The following AGBL3 variants were observed in gnomAD, a reference collection of about 807,000 sequenced individuals.
AGBL3 encodes cytosolic carboxypeptidase 3.
Under a neutral mutation model 94.5 loss-of-function variants are expected in AGBL3, and 68 were observed. The ratio of observed to expected loss-of-function variants is 0.72; its 90% CI spans 0.59 to 0.88. The LOEUF (loss-of-function observed/expected upper bound fraction) is 0.88. Among genes scored for constraint, AGBL3 ranks in the 40% least tolerant of loss-of-function variants. The probability of loss-of-function intolerance (pLI) is 0.00; values close to 1 mark genes in which losing one functional copy is unlikely to be tolerated. For missense variants in AGBL3, 934 were observed against 1,103.8 expected, an observed-to-expected ratio of 0.85 and a Z score of 2.18; for synonymous variants, 354 against 370.7, an observed-to-expected ratio of 0.95 and a Z score of 0.52.
At chr7:135,001,493 T>A (rs1811709821) in intron 4 of AGBL3, among the ~76,000 whole-genome samples, 1 of 152,186 alleles carries the variant, frequency 6.6e-6, no homozygotes, top group Non-Finnish European at 1.5e-5. Context: ...TGTTAATTCC[T>A]CCAGACTAAG....
At chr7:135,100,986 A>G (rs970857876) in intron 15 of AGBL3, among the ~76,000 whole-genome samples, 1 of 152,226 alleles carries the variant, frequency 6.6e-6, no homozygotes, top group South Asian at 2.1e-4. Context: ...GCATACCCTG[A>G]GGTGTAATAT....
chr7:135,116,769 G>C (rs898955289), intron 16 of AGBL3, among the ~76,000 whole-genome samples: 4 of 152,166 alleles, frequency 2.6e-5, no homozygotes, highest in African/African-American at 9.7e-5. Flanking sequence ...TGAGGGCACT[G>C]TTTATCTGTG....
chr7:135,096,588 G>C lies in AGBL3; in HGVS notation c.2110+14798G>C, dbSNP rs868469071. ...AGATAGATAGATAGATAGATACATA[G>C]ATAGATAGATAGATAGATAGATAGA... On this transcript the variant is annotated intron_variant, in intron 15 of 16. Transcript: ENST00000436302. 3.3e-3 allele frequency among the ~76,000 whole-genome samples: 396 copies of C among 120,288 alleles called. 9 individuals carry two copies. The highest frequency in any genetic ancestry group is 0.015 in the African/African-American group (386 of 25,374). 78.9% of individuals were successfully genotyped at this position (120,288 alleles called of 152,430 possible). A position where few individuals can be genotyped will look rare whatever the true frequency, so the allele number is the denominator to read the frequency against.
intron 15 of AGBL3, among the ~76,000 whole-genome samples, chr7:135,091,012 A>G (rs143623421): frequency 2.6e-5 from 4 of 152,218 alleles, no homozygotes; most frequent in African/African-American, 9.6e-5. Flanking sequence ...GTGAGGAAGG[A>G]CTGTGCCTGT....
intron 16 of AGBL3, among the ~76,000 whole-genome samples, chr7:135,121,198 T>G (rs1827083620): frequency 6.6e-6 from 1 of 151,884 alleles, no homozygotes; most frequent in African/African-American, 2.4e-5. Flanking sequence ...AAAACAAAAC[T>G]CCGTCTCAAA....
chr7:135,070,655 G>T (rs1819812881), intron 12 of AGBL3, among the ~76,000 whole-genome samples: 1 of 152,014 alleles, frequency 6.6e-6, no homozygotes, highest in Admixed American at 6.6e-5. Context: ...TGCAGAAAAG[G>T]CCTTTGACAA....
At chr7:135,063,887 T>G (rs932311488) in intron 12 of AGBL3, among the ~76,000 whole-genome samples, 8 of 152,196 alleles carry the variant, frequency 5.3e-5, no homozygotes, top group African/African-American at 1.9e-4. Flanking sequence ...AATCTGAAGG[T>G]CAGCAGTGGC....
chr7:135,121,264 CAGAA>C (rs533304504), intron 16 of AGBL3, among the ~76,000 whole-genome samples: 44 of 152,116 alleles, frequency 2.9e-4, no homozygotes, highest in African/African-American at 1.0e-3. Context: ...ACTGATAAAA[CAGAA>C]AGGAGAAATA....
chr7:135,032,273 C>T (rs1815824559), intron 5 of AGBL3, among the ~76,000 whole-genome samples: 1 of 151,932 alleles, frequency 6.6e-6, no homozygotes, highest in Non-Finnish European at 1.5e-5. Context: ...TTCATCATGA[C>T]CAGAAATGGA....
At chr7:134,995,373 C>T (rs1030424826) in intron 4 of AGBL3, 8 of 152,256 alleles carry the variant, frequency 5.3e-5, no homozygotes, top group African/African-American at 1.7e-4. Flanking sequence ...CACATCTTTG[C>T]CACACCTTTC....
At chr7:135,076,761 A>T (rs1820488581) in intron 13 of AGBL3, among the ~76,000 whole-genome samples, 2 of 150,242 alleles carry the variant, frequency 1.3e-5, no homozygotes, top group Non-Finnish European at 3.0e-5. Context: ...TAAAACTAAG[A>T]AAAATTAACT....
intron 12 of AGBL3, among the ~76,000 whole-genome samples, chr7:135,060,050 AC>A (rs1162398849): frequency 6.6e-6 from 1 of 152,128 alleles, no homozygotes; most frequent in Non-Finnish European, 1.5e-5. Flanking sequence ...GCTAGAGAAT[AC>A]CCAGGCAAGA....
chr7:135,116,821 A>G (rs187039490), intron 16 of AGBL3, among the ~76,000 whole-genome samples: 47 of 152,274 alleles, frequency 3.1e-4, no homozygotes, highest in Non-Finnish European at 6.2e-4. Context: ...AACATTTTCT[A>G]TATCAGTAGG....
chr7:135,069,425 C>G (rs1165216002), intron 12 of AGBL3, among the ~76,000 whole-genome samples: 3 of 152,166 alleles, frequency 2.0e-5, no homozygotes, highest in Non-Finnish European at 4.4e-5. Context: ...AATATACATT[C>G]TTTTCAGCAC....
At chr7:135,032,134 T>C (rs1354035551) in intron 5 of AGBL3, among the ~76,000 whole-genome samples, 3 of 152,234 alleles carry the variant, frequency 2.0e-5, no homozygotes, top group Non-Finnish European at 1.5e-5. Flanking sequence ...GCTCACTTCA[T>C]GTATTGATCT....
intron 5 of AGBL3, among the ~76,000 whole-genome samples, chr7:135,031,655 G>T (rs1180852704): frequency 6.6e-6 from 1 of 152,124 alleles, no homozygotes; most frequent in Non-Finnish European, 1.5e-5. Flanking sequence ...CTTTGATTTT[G>T]TATAGAGGCA....
chr7:134,991,211 G>GGGT (rs1164713767), intron 3 of AGBL3, among the ~76,000 whole-genome samples: 4 of 85,752 alleles, frequency 4.7e-5, no homozygotes, highest in African/African-American at 1.6e-4. Context: ...TGGGGGGGGG[G>GGGT]TTGGTTAAAA....
chr7:135,013,265 T>C (rs1189683039), intron 4 of AGBL3, among the ~76,000 whole-genome samples: 1 of 152,110 alleles, frequency 6.6e-6, no homozygotes, highest in African/African-American at 2.4e-5. Context: ...AACCAAATAT[T>C]AGAAAGTAGA....
Position 135,032,876 on chromosome 7 carries a change from G to C in AGBL3, c.451G>C (p.Val151Leu), listed in dbSNP as rs1198625620. 3 of 1,550,608 alleles carry C rather than the reference G, an allele frequency of 1.9e-6. No homozygotes were observed. In the South Asian group the frequency reaches 3.6e-5, roughly 18 times the overall value. Residue 151 changes from valine to leucine, a missense_variant, in exon 6 of 17, where the codon GTT (valine) becomes CTT (leucine). Coordinates refer to ENST00000436302, the MANE Select transcript of AGBL3 (RefSeq NM_178563.4). ...YKEPCFVYSRVGGNRTPLKQP... is the reference protein window; with the variant it reads ...YKEPCFVYSRLGGNRTPLKQP... ...AGAGCCCTGTTTTGTGTATTCCCGA[G>C]TTGGGGGTAACCGAACACCTTTGAA...
Sources: gnomAD v4.1 joint callset for allele counts (sites outside exome capture counted in the v4.1 genomes callset) on GRCh38, gnomAD v4.1.1 for gene constraint, MANE v1.5 for transcripts, NCBI Gene and HGNC (gene_info 2026-07-23, HGNC 2026-07-21) for gene names.